Variants in NARS2 observed in about 807,000 individuals in gnomAD.
NARS2 encodes the protein asparaginyl-tRNA synthetase 2, mitochondrial.
In NARS2, 60 loss-of-function variants were observed where a neutral mutation model predicts 62.9. That is an observed-to-expected ratio of 0.95 (90% CI 0.77 to 1.18). The LOEUF is 1.18. Ranked by LOEUF, NARS2 falls within the 50% of genes most tolerant of loss-of-function variation. NARS2 has a pLI of 0.00. For synonymous variants in NARS2, 196 were observed against 200.0 expected (o/e 0.98, Z 0.17); for missense variants, 619 against 576.4 (o/e 1.07, Z -0.76).
In NARS2 at chr11:78,440,842, A is replaced by G. The variant is rs61456491; in HGVS notation, c.1289+249T>C. Among the ~76,000 whole-genome samples, 7,835 of 152,200 alleles carry G rather than the reference A, an allele frequency of 0.051. 707 individuals carry two copies. The highest frequency in any genetic ancestry group is 0.18 in the African/African-American group (7,517 of 41,514). Reference sequence around the variant, plus strand: ...GCCACTGCGCCCAGCCAATATACATAAAATTTTTAACATAATTATCTGGCA... The same window carrying G: ...GCCACTGCGCCCAGCCAATATACATGAAATTTTTAACATAATTATCTGGCA... On this transcript the variant is annotated intron_variant, in intron 13 of 13. Coordinates refer to ENST00000281038, the MANE Select transcript of NARS2 (RefSeq NM_024678.6).
At chr11:78,498,590 A>G (rs1275958137) in intron 6 of NARS2, among the ~76,000 whole-genome samples, 1 of 151,642 alleles carries the variant, frequency 6.6e-6, no homozygotes, top group African/African-American at 2.4e-5. Context: ...CTTGTCACAA[A>G]CTGAACTCAT....
At chr11:78,559,310 A>AAAAG (rs1856478367) in intron 5 of NARS2, among the ~76,000 whole-genome samples, 1 of 150,682 alleles carries the variant, frequency 6.6e-6, no homozygotes. Context: ...TCAAAAAAAA[A>AAAAG]AAAAAAAAAA....
At chr11:78,554,964 T>A (rs1315972471) in intron 5 of NARS2, among the ~76,000 whole-genome samples, 1 of 152,232 alleles carries the variant, frequency 6.6e-6, no homozygotes, top group Non-Finnish European at 1.5e-5. Context: ...TATTGAGAGT[T>A]TTTAACATGA....
At chr11:78,572,289 C>T (rs1373809236) in intron 1 of NARS2, among the ~76,000 whole-genome samples, 1 of 152,158 alleles carries the variant, frequency 6.6e-6, no homozygotes, top group Non-Finnish European at 1.5e-5. Context: ...CTATTCTAAC[C>T]TCTTTATAAA....
At chr11:78,468,416 T>A (rs1222994466) in intron 10 of NARS2, among the ~76,000 whole-genome samples, 1 of 150,552 alleles carries the variant, frequency 6.6e-6, no homozygotes, top group Non-Finnish European at 1.5e-5. Context: ...GTCATCTTTT[T>A]TTTTTTTTTT....
At chr11:78,529,608 G>A (rs922573505) in intron 5 of NARS2, among the ~76,000 whole-genome samples, 114 of 152,274 alleles carry the variant, frequency 7.5e-4, no homozygotes, top group African/African-American at 2.4e-3. Flanking sequence ...AAACTACCTG[G>A]AGGCTAAACA....
At chr11:78,544,827 A>G (rs1349233397) in intron 5 of NARS2, among the ~76,000 whole-genome samples, 9 of 151,128 alleles carry the variant, frequency 6.0e-5, no homozygotes, top group Admixed American at 4.0e-4. Flanking sequence ...AAGGATACAG[A>G]AAATTAGCTG....
At chr11:78,555,313 T>C (rs1856308825) in intron 5 of NARS2, 1 of 152,224 alleles carries the variant, frequency 6.6e-6, no homozygotes, top group Non-Finnish European at 1.5e-5. Context: ...GCACCAGCTC[T>C]TCATTGTACA....
At chr11:78,469,083 G>C (rs1858754721) in intron 10 of NARS2, among the ~76,000 whole-genome samples, 164 bp downstream of exon 10, 1 of 151,988 alleles carries the variant, frequency 6.6e-6, no homozygotes, top group Non-Finnish European at 1.5e-5. Context: ...ATCTCAACAA[G>C]ATTCAGCAAA....
chr11:78,448,284 G>C (rs1464985421), intron 11 of NARS2, among the ~76,000 whole-genome samples: 1 of 150,826 alleles, frequency 6.6e-6, no homozygotes, highest in Non-Finnish European at 1.5e-5. Context: ...TTCAAAATAG[G>C]AGTGATTCCA....
chr11:78,538,994 CAAAAAAAAAAAAAA>C (rs59917269), intron 5 of NARS2, among the ~76,000 whole-genome samples: 22 of 49,794 alleles, frequency 4.4e-4, no homozygotes, highest in South Asian at 3.6e-3. Context: ...GAATCCGTCT[CAAAAAAAAAAAAAA>C]AAAAAAAAAA....
intron 6 of NARS2, 40 bp from the exon 7 acceptor site, chr11:78,493,235 T>G: frequency 6.5e-7 from 1 of 1,534,758 alleles, no homozygotes; most frequent in Non-Finnish European, 8.8e-7. Flanking sequence ...AGAATTCACA[T>G]GATTAATTTT....
intron 7 of NARS2, among the ~76,000 whole-genome samples, chr11:78,489,465 A>G (rs1284253543): frequency 6.6e-6 from 1 of 152,218 alleles, no homozygotes; most frequent in Middle Eastern, 3.2e-3. Flanking sequence ...GAACTAGAAC[A>G]AGTAAAACTT....
chr11:78,457,051 A>G (rs1858190353), intron 11 of NARS2, among the ~76,000 whole-genome samples: 1 of 152,248 alleles, frequency 6.6e-6, no homozygotes, highest in East Asian at 1.9e-4. Context: ...GGAGAAATTG[A>G]GGCTGAAAGA....
At chr11:78,480,349 G>A (rs1450069922) in intron 7 of NARS2, among the ~76,000 whole-genome samples, 2 of 151,962 alleles carry the variant, frequency 1.3e-5, no homozygotes, top group South Asian at 2.1e-4. Flanking sequence ...CTGCCTCCTG[G>A]GTTCAAGCAA....
At chr11:78,546,428 G>A (rs1179454968) in intron 5 of NARS2, 1 of 152,166 alleles carries the variant, frequency 6.6e-6, no homozygotes, top group Non-Finnish European at 1.5e-5. Context: ...GAAAGATGTG[G>A]GACTGGGAAG....
chr11:78,568,277 C>T (rs1476418070), intron 3 of NARS2, among the ~76,000 whole-genome samples: 1 of 152,038 alleles, frequency 6.6e-6, no homozygotes, highest in African/African-American at 2.4e-5. Context: ...CCAAAGGTGG[C>T]TAGAGCCTAC....
rs753447332 is a variant in NARS2, at chr11:78,571,388, A to G, written c.198T>C (p.Asp66=). The G allele has an allele frequency of 1.1e-5, 18 of 1,613,702 alleles. No individual in the cohort carries two copies. The East Asian group carries it at 3.8e-4, about 34-fold the overall frequency. ...CCTGAAGGCTTTCCAAAGATGACCC[A>G]TCATTTACATGCAGGAACAAGACTT... ...QKEVLFLHVN[D]GSSLESLQVV... Residue 66 remains aspartate (D), a synonymous_variant, in exon 2 of 14, where the codon GAT becomes GAC. Coordinates refer to ENST00000281038, the MANE Select transcript of NARS2 (RefSeq NM_024678.6).
chr11:78,456,954 AG>A (rs1858187048), intron 11 of NARS2, among the ~76,000 whole-genome samples: 1 of 152,236 alleles, frequency 6.6e-6, no homozygotes, highest in Admixed American at 6.5e-5. Flanking sequence ...ATGCATATGA[AG>A]AAAAACTTAG....
Sources: allele counts gnomAD v4.1 joint callset (sites outside exome capture counted in the v4.1 genomes callset), GRCh38; gene constraint gnomAD v4.1.1; transcripts MANE v1.5; gene names NCBI Gene and HGNC (gene_info 2026-07-23, HGNC 2026-07-21).